Variants in EFCAB5 observed in about 807,000 individuals in gnomAD.
The protein encoded by EFCAB5 is EF-hand calcium binding domain 5.
EFCAB5 carries 131 observed loss-of-function variants against 167.9 expected under a neutral mutation model. The observed-to-expected ratio is 0.78, with a 90% CI of 0.68 to 0.90. The LOEUF (loss-of-function observed/expected upper bound fraction) is 0.90, where lower values mean the gene tolerates loss of function less well. EFCAB5 is among the 40% of genes least tolerant of loss of function. The probability of loss-of-function intolerance (pLI) is 0.00; values close to 1 mark genes in which losing one functional copy is unlikely to be tolerated. For synonymous variants in EFCAB5, 574 were observed against 602.8 expected (o/e 0.95, Z 0.70); for missense variants, 1,663 against 1,745.2 (o/e 0.95, Z 0.84).
intron 4 of EFCAB5, 90 bp from the exon 5 acceptor site, chr17:29,993,075 T>C: frequency 3.8e-6 from 5 of 1,304,284 alleles, no homozygotes; most frequent in Non-Finnish European, 5.1e-6. Context: ...CAGGCAAACA[T>C]TTTCAAAGAG....
At position 30,087,108 on chromosome 17, in the gene EFCAB5, G is replaced by A. The variant is rs750374939; in HGVS notation, c.3625G>A (p.Gly1209Ser). 2.1e-5 allele frequency: 34 copies of A among 1,613,318 alleles called. 2 individuals carry two copies. In the South Asian group the frequency reaches 3.5e-4, roughly 17 times the overall value. Reference sequence around the variant, plus strand: ...CAACATGATGGTTACAGGGCAGCTGGGTCTAACAGAAATCCACAAAAATCC... The same window carrying A: ...CAACATGATGGTTACAGGGCAGCTGAGTCTAACAGAAATCCACAAAAATCC... ...LRNMMVTGQL[G>S]LTEIHKNPPT... The change falls in exon 19 of 23, where the codon GGT (glycine) becomes AGT (serine). Residue 1209 changes from glycine (G) to serine (S), a missense_variant. Gly to Ser is a moderately conservative substitution (Grantham distance 56, BLOSUM62 0). Transcript: ENST00000394835.
At chr17:29,964,856 C>T (rs901606383) in intron 3 of EFCAB5, among the ~76,000 whole-genome samples, 1 of 151,098 alleles carries the variant, frequency 6.6e-6, no homozygotes, top group African/African-American at 2.4e-5. Context: ...GTTTAGTTTG[C>T]ACTACTTTTT....
At chr17:30,016,430 G>A (rs115597022) in intron 7 of EFCAB5, among the ~76,000 whole-genome samples, 17 of 152,166 alleles carry the variant, frequency 1.1e-4, no homozygotes, top group African/African-American at 4.1e-4. Context: ...TTTTGTCTAT[G>A]GTGTGAGGTA....
chr17:29,947,040 G>A (rs2067415338), intron 3 of EFCAB5, among the ~76,000 whole-genome samples: 1 of 151,990 alleles, frequency 6.6e-6, no homozygotes, highest in Non-Finnish European at 1.5e-5. Flanking sequence ...TGGGTGTGGT[G>A]GCAGGTGCCT....
chr17:30,082,390 CTTTTTTT>C (rs71138871), intron 17 of EFCAB5, among the ~76,000 whole-genome samples: 6 of 98,254 alleles, frequency 6.1e-5, no homozygotes, highest in East Asian at 5.5e-4. Context: ...CTTTATACCT[CTTTTTTT>C]TTTTTTTTTT....
chr17:29,951,906 T>C (rs1376821379), intron 3 of EFCAB5, among the ~76,000 whole-genome samples: 1 of 152,204 alleles, frequency 6.6e-6, no homozygotes, highest in African/African-American at 2.4e-5. Flanking sequence ...CCAATCACTC[T>C]GGGAAATAAT....
At chr17:29,987,452 C>A (rs1179616332) in intron 4 of EFCAB5, among the ~76,000 whole-genome samples, 2 of 152,178 alleles carry the variant, frequency 1.3e-5, no homozygotes, top group Non-Finnish European at 2.9e-5. Flanking sequence ...TATTTCCCAA[C>A]TTTTTATTAT....
intron 14 of EFCAB5, chr17:30,068,747 G>A (rs931421496): frequency 5.6e-6 from 8 of 1,433,726 alleles, no homozygotes; most frequent in African/African-American, 1.4e-5. Context: ...GAGCTGTTCC[G>A]CAGGAGTCCC....
chr17:29,946,386 A>G (rs2067397276), intron 3 of EFCAB5, among the ~76,000 whole-genome samples: 1 of 150,940 alleles, frequency 6.6e-6, no homozygotes, highest in Non-Finnish European at 1.5e-5. Context: ...GCTGGTGGGA[A>G]TGTAAATTAG....
chr17:30,106,437 T>A (rs1567781945), intron 22 of EFCAB5, among the ~76,000 whole-genome samples: 1 of 152,026 alleles, frequency 6.6e-6, no homozygotes, highest in Non-Finnish European at 1.5e-5. Context: ...GAGAGGCATC[T>A]GAAAGAAAGG....
intron 3 of EFCAB5, among the ~76,000 whole-genome samples, chr17:29,950,070 C>G (rs1024764328): frequency 2.0e-5 from 3 of 152,142 alleles, no homozygotes; most frequent in Non-Finnish European, 4.4e-5. Flanking sequence ...TTGGACAACA[C>G]AGTTTGAATT....
chr17:30,079,956 T>C, intron 15 of EFCAB5, 116 bp from the exon 16 acceptor site: 1 of 1,262,810 alleles, frequency 7.9e-7, no homozygotes, highest in African/African-American at 1.5e-5. Context: ...ATGCATTCTT[T>C]ATTCAGGAAA....
intron 7 of EFCAB5, among the ~76,000 whole-genome samples, chr17:30,000,734 T>A (rs1379746508): frequency 6.6e-6 from 1 of 152,198 alleles, no homozygotes; most frequent in Non-Finnish European, 1.5e-5. Flanking sequence ...CTTTTAAAAA[T>A]TATTGTATAG....
chr17:30,082,835 C>G, intron 17 of EFCAB5, 56 bp from the exon 18 acceptor site: 1 of 1,471,916 alleles, frequency 6.8e-7, no homozygotes. Flanking sequence ...TACTATATTA[C>G]TAATTATTTT....
chr17:30,096,679 T>A (rs5025907), intron 22 of EFCAB5, among the ~76,000 whole-genome samples: 311 of 62,814 alleles, frequency 5.0e-3, no homozygotes, highest in East Asian at 0.036. Context: ...ATATATATAT[T>A]TTTTTTTTTT....
chr17:30,105,486 C>G (rs1567781583), intron 22 of EFCAB5, among the ~76,000 whole-genome samples: 2 of 151,718 alleles, frequency 1.3e-5, no homozygotes, highest in Non-Finnish European at 1.5e-5. Flanking sequence ...GACTCCATCT[C>G]AAAAAACGAA....
intron 3 of EFCAB5, among the ~76,000 whole-genome samples, chr17:29,952,119 G>A (rs2067525271): frequency 6.6e-6 from 1 of 152,122 alleles, no homozygotes; most frequent in Admixed American, 6.6e-5. Context: ...CTTCCTAGAT[G>A]GCACCTTGAA....
intron 8 of EFCAB5, among the ~76,000 whole-genome samples, chr17:30,042,514 T>G (rs2069802639): frequency 6.6e-6 from 1 of 152,078 alleles, no homozygotes; most frequent in Non-Finnish European, 1.5e-5. Context: ...ATGAACAACT[T>G]TATGCCAATG....
At chr17:29,963,804 G>A (rs2151565091) in intron 3 of EFCAB5, among the ~76,000 whole-genome samples, 1 of 152,304 alleles carries the variant, frequency 6.6e-6, no homozygotes, top group Non-Finnish European at 1.5e-5. Context: ...TTGGAAGTGG[G>A]CCTAGTGGGA....
Sources: allele counts gnomAD v4.1 joint callset (sites outside exome capture counted in the v4.1 genomes callset), GRCh38; gene constraint gnomAD v4.1.1; transcripts MANE v1.5; gene names NCBI Gene and HGNC (gene_info 2026-07-23, HGNC 2026-07-21).